GLRA3: variants seen among roughly 807,000 people sequenced by gnomAD.
The protein encoded by GLRA3 is glycine receptor alpha 3.
In GLRA3, 44 loss-of-function variants were observed where a neutral mutation model predicts 60.4. The ratio of observed to expected loss-of-function variants is 0.73; its 90% CI spans 0.57 to 0.94. The LOEUF is 0.94. GLRA3 is among the 40% of genes least tolerant of loss of function. The probability of loss-of-function intolerance (pLI) is 0.00; values close to 1 mark genes in which losing one functional copy is unlikely to be tolerated. For missense variants in GLRA3, 508 were observed against 564.6 expected (o/e 0.90, Z 1.02); for synonymous variants, 223 against 192.9 (o/e 1.16, Z -1.29).
rs115599346 is a variant in GLRA3 at position 174,764,618 on chromosome 4, A to G, written c.267+2345T>C. ...TAAGAAGTGTGAATAAGTTTAAAAAATACATTAACACATATATTAGCATTT... is the reference window on the plus strand; with the variant it reads ...TAAGAAGTGTGAATAAGTTTAAAAAGTACATTAACACATATATTAGCATTT... On this transcript the variant is annotated intron_variant, in intron 3 of 9. Coordinates refer to ENST00000274093, the MANE Select transcript of GLRA3 (RefSeq NM_006529.4). 5.2e-3 allele frequency among the ~76,000 whole-genome samples: 790 copies of G among 152,176 alleles called. 3 individuals are homozygous for G. The highest frequency in any genetic ancestry group is 0.018 in the African/African-American group (748 of 41,532).
At chr4:174,684,919 G>A (rs2110983353) in intron 5 of GLRA3, among the ~76,000 whole-genome samples, 1 of 152,252 alleles carries the variant, frequency 6.6e-6, no homozygotes, top group Non-Finnish European at 1.5e-5. Flanking sequence ...TGAGGCAGGA[G>A]AATCATTTGA....
chr4:174,812,904 C>T (rs1740328235), intron 1 of GLRA3, among the ~76,000 whole-genome samples: 1 of 152,044 alleles, frequency 6.6e-6, no homozygotes, highest in South Asian at 2.1e-4. Flanking sequence ...TAACAGTTCC[C>T]CAGGAAACAA....
At chr4:174,786,815 G>C (rs1739146825) in intron 2 of GLRA3, among the ~76,000 whole-genome samples, 1 of 151,966 alleles carries the variant, frequency 6.6e-6, no homozygotes, top group Non-Finnish European at 1.5e-5. Flanking sequence ...CTAATGTTCA[G>C]AGCACAAGAT....
chr4:174,714,177 C>G (rs1479388934), intron 5 of GLRA3, among the ~76,000 whole-genome samples: 1 of 152,152 alleles, frequency 6.6e-6, no homozygotes, highest in Non-Finnish European at 1.5e-5. Flanking sequence ...AGAGGTACAG[C>G]AAGGACCAAA....
chr4:174,824,954 T>G (rs1304425309), intron 1 of GLRA3, among the ~76,000 whole-genome samples: 1 of 152,176 alleles, frequency 6.6e-6, no homozygotes, highest in Non-Finnish European at 1.5e-5. Flanking sequence ...TCTTACATAG[T>G]AAACACATAA....
chr4:174,786,378 T>G (rs953066473), intron 2 of GLRA3, among the ~76,000 whole-genome samples: 1 of 152,130 alleles, frequency 6.6e-6, no homozygotes, highest in Non-Finnish European at 1.5e-5. Flanking sequence ...CTATGTTTGA[T>G]GAGCTTATTT....
At chr4:174,656,481 T>A (rs1316239831) in intron 9 of GLRA3, among the ~76,000 whole-genome samples, 1 of 152,154 alleles carries the variant, frequency 6.6e-6, no homozygotes, top group African/African-American at 2.4e-5. Flanking sequence ...TATTTTTAAA[T>A]CATTTTGACC....
At chr4:174,687,990 A>C (rs1734614444) in intron 5 of GLRA3, among the ~76,000 whole-genome samples, 1 of 152,040 alleles carries the variant, frequency 6.6e-6, no homozygotes, top group Admixed American at 6.5e-5. Flanking sequence ...CTTCAGAAGA[A>C]GGCAAAACAA....
At chr4:174,717,186 T>C (rs1260931725) in intron 4 of GLRA3, among the ~76,000 whole-genome samples, 1 of 129,432 alleles carries the variant, frequency 7.7e-6, no homozygotes, top group Non-Finnish European at 1.6e-5. Context: ...AACTATAGCC[T>C]GGGTGACAGA....
chr4:174,673,850 C>A (rs1734000836), intron 7 of GLRA3, among the ~76,000 whole-genome samples: 1 of 152,102 alleles, frequency 6.6e-6, no homozygotes, highest in African/African-American at 2.4e-5. Flanking sequence ...TTCCCCTAAC[C>A]TTCCCTATTA....
intron 1 of GLRA3, among the ~76,000 whole-genome samples, chr4:174,804,786 T>TA (rs1446790091): frequency 2.0e-5 from 3 of 152,262 alleles, no homozygotes; most frequent in Admixed American, 6.5e-5. Context: ...GAAGGTTATA[T>TA]AAATGAGCTT....
chr4:174,657,607 C>T lies in GLRA3; in HGVS notation c.1072-820G>A, dbSNP rs937036845. ...AGCATTTGTACTGTCGTTGTTCAAC[C>T]GGTGCCAGTTATCATGAAAGAAAAG... is the stretch of plus-strand genomic sequence containing the variant. On this transcript the variant is annotated intron_variant, in intron 8 of 9. Transcript: ENST00000274093. Among the ~76,000 whole-genome samples, 5 of 151,938 alleles carry T rather than the reference C, an allele frequency of 3.3e-5. No individual in the cohort carries two copies. The South Asian group carries it at 6.2e-4, about 19-fold the overall frequency.
chr4:174,782,751 C>A (rs1390696774), intron 2 of GLRA3, among the ~76,000 whole-genome samples: 2 of 151,958 alleles, frequency 1.3e-5, no homozygotes, highest in African/African-American at 4.8e-5. Flanking sequence ...CCTAGGAATC[C>A]AACTTACAAG....
chr4:174,822,010 T>C (rs1394120082), intron 1 of GLRA3, among the ~76,000 whole-genome samples: 1 of 152,162 alleles, frequency 6.6e-6, no homozygotes, highest in Non-Finnish European at 1.5e-5. Flanking sequence ...GAATTAAACA[T>C]TATGGAGGTA....
chr4:174,756,189 G>A (rs1001071385), intron 3 of GLRA3, among the ~76,000 whole-genome samples: 2 of 152,036 alleles, frequency 1.3e-5, no homozygotes, highest in Non-Finnish European at 2.9e-5. Flanking sequence ...AGAAATAACA[G>A]TTCATCAATT....
At chr4:174,763,073 G>A (rs754670719) in intron 3 of GLRA3, among the ~76,000 whole-genome samples, 18 of 152,048 alleles carry the variant, frequency 1.2e-4, no homozygotes, top group Non-Finnish European at 2.5e-4. Context: ...TTGTTGCTAT[G>A]TAATATTCCA....
chr4:174,686,915 T>A (rs1159157745), intron 5 of GLRA3, among the ~76,000 whole-genome samples: 2 of 152,232 alleles, frequency 1.3e-5, no homozygotes, highest in Non-Finnish European at 2.9e-5. Context: ...ATTTCCAGTT[T>A]AAAATTTTGA....
At chr4:174,800,583 T>C (rs941894886) in intron 1 of GLRA3, among the ~76,000 whole-genome samples, 1 of 152,086 alleles carries the variant, frequency 6.6e-6, no homozygotes, top group South Asian at 2.1e-4. Context: ...ATGCTTTTAT[T>C]TGTATTGTTA....
At chr4:174,724,255 T>C (rs1470386984) in intron 4 of GLRA3, among the ~76,000 whole-genome samples, 4 of 151,980 alleles carry the variant, frequency 2.6e-5, no homozygotes, top group African/African-American at 9.7e-5. Flanking sequence ...TATTTCAGTG[T>C]TTCAGTGGGT....
Sources: gnomAD v4.1 joint callset for allele counts (sites outside exome capture counted in the v4.1 genomes callset) on GRCh38, gnomAD v4.1.1 for gene constraint, MANE v1.5 for transcripts, NCBI Gene and HGNC (gene_info 2026-07-23, HGNC 2026-07-21) for gene names.